The following TMEM45A variants were observed in gnomAD, a reference collection of about 807,000 sequenced individuals.
The protein encoded by TMEM45A is transmembrane protein 45A.
TMEM45A carries 25 observed loss-of-function variants against 32.0 expected under a neutral mutation model. The observed-to-expected ratio is 0.78, with a 90% CI of 0.57 to 1.09. The LOEUF is 1.09. Among genes scored for constraint, TMEM45A ranks in the 50% least tolerant of loss-of-function variants. TMEM45A has a pLI of 0.00. For missense variants in TMEM45A, 302 were observed against 325.0 expected (o/e 0.93, Z 0.54); for synonymous variants, 122 against 114.8 (o/e 1.06, Z -0.40).
intron 1 of TMEM45A, among the ~76,000 whole-genome samples, chr3:100,549,141 G>T (rs9847864): frequency 0.058 from 8,862 of 152,010 alleles, 894 homozygotes; most frequent in African/African-American, 0.2. Context: ...CAGCTACTCA[G>T]GAGGCTGAGG....
At chr3:100,535,386 A>G (rs556412246) in intron 1 of TMEM45A, among the ~76,000 whole-genome samples, 4 of 152,310 alleles carry the variant, frequency 2.6e-5, no homozygotes, top group South Asian at 4.2e-4. Context: ...ACAATGAACT[A>G]TAAATTTCCC....
chr3:100,503,933 A>T (rs140158457), intron 1 of TMEM45A, among the ~76,000 whole-genome samples: 646 of 152,342 alleles, frequency 4.2e-3, no homozygotes, highest in Admixed American at 7.7e-3. Context: ...CATGTGTAAC[A>T]TTATTTTCAG....
chr3:100,527,922 T>C lies in TMEM45A; in HGVS notation c.-3-27287T>C, dbSNP rs116660861. ...GGACACCAGATAAGACTGGTGTTGCTTGAGAAATCTTCACCCTGAGCTGTT... is the reference window on the plus strand; with the variant it reads ...GGACACCAGATAAGACTGGTGTTGCCTGAGAAATCTTCACCCTGAGCTGTT... On this transcript the variant is annotated intron_variant, in intron 1 of 5. Transcript: ENST00000323523. Among the ~76,000 whole-genome samples the C allele has an allele frequency of 9.8e-3, 1,487 of 152,340 alleles. 22 individuals carry two copies. The highest frequency in any genetic ancestry group is 0.035 in the African/African-American group (1,439 of 41,576).
chr3:100,547,347 C>T (rs1214259917), intron 1 of TMEM45A, among the ~76,000 whole-genome samples: 1 of 152,050 alleles, frequency 6.6e-6, no homozygotes, highest in East Asian at 1.9e-4. Flanking sequence ...GTCTCAAACT[C>T]CTGACCTCAT....
In TMEM45A at chr3:100,509,836, C is replaced by A. The variant is rs772419512; in HGVS notation, c.-4+16908C>A. On this transcript the variant is annotated intron_variant, in intron 1 of 5. Coordinates refer to ENST00000323523, the MANE Select transcript of TMEM45A (RefSeq NM_018004.3). ...GCAAGGGGTCAGGGACTTCCCTTTC[C>A]TAGTCAAAGAAAGGGGCGACAGACG... Among the ~76,000 whole-genome samples the A allele has an allele frequency of 1.6e-4, 25 of 152,168 alleles. 1 individual carries two copies. The highest frequency in any genetic ancestry group is 3.1e-4 in the Non-Finnish European group (21 of 68,044).
chr3:100,524,659 A>T (rs1472622240), intron 1 of TMEM45A, among the ~76,000 whole-genome samples: 1 of 152,128 alleles, frequency 6.6e-6, no homozygotes, highest in Non-Finnish European at 1.5e-5. Context: ...CCTTGTCCCC[A>T]CACCATTTCC....
chr3:100,537,137 G>C (rs769242582), intron 1 of TMEM45A, among the ~76,000 whole-genome samples: 1 of 152,048 alleles, frequency 6.6e-6, no homozygotes, highest in Non-Finnish European at 1.5e-5. Context: ...TGGCTAGGTT[G>C]GTCTCAAACT....
intron 5 of TMEM45A, chr3:100,571,764 A>C (rs964460775): frequency 1.1e-4 from 17 of 151,968 alleles, no homozygotes; most frequent in African/African-American, 4.1e-4. Flanking sequence ...GACACCCCAC[A>C]ACAGTCCCCG....
intron 1 of TMEM45A, among the ~76,000 whole-genome samples, chr3:100,540,886 C>T (rs1705860017): frequency 6.6e-6 from 1 of 152,136 alleles, no homozygotes; most frequent in South Asian, 2.1e-4. Flanking sequence ...GTTCTAAGTT[C>T]TTTGGGAAAT....
intron 5 of TMEM45A, among the ~76,000 whole-genome samples, chr3:100,575,544 G>A (rs1706666858): frequency 6.6e-6 from 1 of 151,838 alleles, no homozygotes; most frequent in African/African-American, 2.4e-5. Flanking sequence ...AGCTAATTTT[G>A]TATTTTTAGT....
chr3:100,576,833 A>C, intron 5 of TMEM45A, 92 bp from the exon 6 acceptor site: 1 of 1,016,452 alleles, frequency 9.8e-7, no homozygotes, highest in Non-Finnish European at 1.5e-6. Flanking sequence ...AGTTGCCCAA[A>C]TAATCTAGAC....
intron 1 of TMEM45A, among the ~76,000 whole-genome samples, chr3:100,516,288 A>T (rs955751461): frequency 1.3e-5 from 2 of 152,194 alleles, no homozygotes; most frequent in Admixed American, 6.5e-5. Context: ...AACTTGATAT[A>T]ATCTAATTGA....
chr3:100,568,488 C>G (rs573677506), intron 4 of TMEM45A, among the ~76,000 whole-genome samples: 2 of 152,112 alleles, frequency 1.3e-5, no homozygotes, highest in African/African-American at 2.4e-5. Flanking sequence ...TATTTTAAAA[C>G]CTTTTTGTAC....
intron 1 of TMEM45A, among the ~76,000 whole-genome samples, chr3:100,530,265 A>G (rs939936387): frequency 7.9e-5 from 12 of 152,092 alleles, no homozygotes; most frequent in African/African-American, 2.9e-4. Flanking sequence ...GGCTCACACA[A>G]TTTTCAGGGG....
Position 100,511,445 on chromosome 3 carries a change from G to A in TMEM45A, c.-4+18517G>A, listed in dbSNP as rs1249951318. The stretch of plus-strand genomic sequence containing the variant: ...TGCTGAGAGATTTTGTCACCACCAG[G>A]CCTGCCCTAAAAGAGCTCCTGAAGG... On this transcript the variant is annotated intron_variant, in intron 1 of 5. Coordinates refer to ENST00000323523, the MANE Select transcript of TMEM45A (RefSeq NM_018004.3). Among the ~76,000 whole-genome samples, 10 of 150,270 alleles carry A rather than the reference G, an allele frequency of 6.7e-5. No homozygotes were observed. The South Asian group carries it at 1.5e-3, about 22-fold the overall frequency.
At chr3:100,557,042 T>C (rs1353949449) in intron 3 of TMEM45A, 70 bp downstream of exon 3, 13 of 1,481,772 alleles carry the variant, frequency 8.8e-6, no homozygotes, top group Non-Finnish European at 1.1e-5. Context: ...TTCATATTAA[T>C]ATACCTCTGG....
chr3:100,499,383 A>G (rs1707979743), intron 1 of TMEM45A, among the ~76,000 whole-genome samples: 1 of 152,226 alleles, frequency 6.6e-6, no homozygotes, highest in Admixed American at 6.5e-5. Context: ...GCATAAGGTA[A>G]TAGGTGTTCA....
At chr3:100,504,901 C>T (rs1708058335) in intron 1 of TMEM45A, among the ~76,000 whole-genome samples, 2 of 152,206 alleles carry the variant, frequency 1.3e-5, no homozygotes, top group Admixed American at 1.3e-4. Flanking sequence ...TGTTGCCTCT[C>T]TGGTGAACTC....
intron 1 of TMEM45A, among the ~76,000 whole-genome samples, chr3:100,544,442 GT>G (rs1318586713): frequency 2.0e-5 from 3 of 152,086 alleles, no homozygotes; most frequent in Non-Finnish European, 4.4e-5. Context: ...AATGTATATG[GT>G]TGTCTAATTA....
Sources: allele counts gnomAD v4.1 joint callset (sites outside exome capture counted in the v4.1 genomes callset), GRCh38; gene constraint gnomAD v4.1.1; transcripts MANE v1.5; gene names NCBI Gene and HGNC (gene_info 2026-07-23, HGNC 2026-07-21).